CTBP1: variants seen among roughly 807,000 people sequenced by gnomAD.
The protein encoded by CTBP1 is C-terminal-binding protein 1.
In CTBP1, 11 loss-of-function variants were observed where a neutral mutation model predicts 42.1. The ratio of observed to expected loss-of-function variants is 0.26; its 90% confidence interval spans 0.16 to 0.43. The LOEUF (loss-of-function observed/expected upper bound fraction) is 0.43, where lower values mean the gene tolerates loss of function less well. Ranked by LOEUF, CTBP1 falls within the 20% of genes least tolerant of loss-of-function variation. The pLI, the probability that CTBP1 is intolerant of heterozygous loss-of-function variation, is 1.00. For missense variants in CTBP1, 399 were observed against 624.3 expected (o/e 0.64, Z 3.85); for synonymous variants, 324 against 277.1 (o/e 1.17, Z -1.68).
At chr4:1,244,387 C>T in intron 1 of CTBP1, 1 of 980,136 alleles carries the variant, frequency 1.0e-6, no homozygotes, top group Non-Finnish European at 1.2e-6. Context: ...TCCCAGGGGG[C>T]ACCAAGATGC....
chr4:1,244,565 C>T (rs1418859539), intron 1 of CTBP1: 1 of 985,070 alleles, frequency 1.0e-6, no homozygotes, highest in Non-Finnish European at 1.2e-6. Context: ...TCCACCAGGA[C>T]AGTGTCCCAA....
At chr4:1,221,723 C>T (rs1295579508) in intron 5 of CTBP1, 5 of 377,074 alleles carry the variant, frequency 1.3e-5, no homozygotes, top group South Asian at 3.9e-5. Context: ...GCAGGGTCGT[C>T]GCGGGGCCGC....
chr4:1,245,079 A>G, intron 1 of CTBP1: 4 of 983,922 alleles, frequency 4.1e-6, no homozygotes, highest in Non-Finnish European at 4.8e-6. Context: ...AAGGCCCGTC[A>G]CCCACAGGTT....
At chr4:1,224,445 G>T (rs1174598429) in intron 5 of CTBP1, among the ~76,000 whole-genome samples, 3 of 151,164 alleles carry the variant, frequency 2.0e-5, no homozygotes, top group Non-Finnish European at 2.9e-5. Context: ...ACATCTGTGT[G>T]TTATCTGTGC....
At position 1,238,246 on chromosome 4, in the gene CTBP1, G is replaced by A; in HGVS notation, c.99C>T (p.Ile33=). 1 of 1,612,684 alleles carries A rather than the reference G, an allele frequency of 6.2e-7. No individual in the cohort carries two copies. Among genetic ancestry groups the A allele is most frequent in the Non-Finnish European group, 8.5e-7 (1 of 1,179,668 alleles). The change falls in exon 3 of 10, where the codon ATC becomes ATT. Residue 33 remains isoleucine, a synonymous_variant. Coordinates refer to ENST00000382952, the MANE Select transcript of CTBP1 (RefSeq NM_001012614.2). This position sits in a 1 kb window ranked among gnomAD's most constrained non-coding sequence, Gnocchi z 5.9. ...AGGCCACAGTGGCCACGTCCTTCAG[G>A]ATGGGCATCTCCACTGTGCAGTCCC... The part of the protein sequence containing the change: ...DGRDCTVEMP[I]LKDVATVAFC...
At chr4:1,221,717 G>A (rs1230104969) in intron 5 of CTBP1, 2 of 364,364 alleles carry the variant, frequency 5.5e-6, no homozygotes, top group Non-Finnish European at 1.1e-5. Flanking sequence ...GTCCTCGCAG[G>A]GTCGTCGCGG....
chr4:1,236,517 G>A, intron 3 of CTBP1: 1 of 602,264 alleles, frequency 1.7e-6, no homozygotes. Context: ...GAATCAAGAA[G>A]CCACAGGGCA....
At chr4:1,212,473 A>C in intron 9 of CTBP1, 50 bp from the exon 10 acceptor site, 1 of 1,378,152 alleles carries the variant, frequency 7.3e-7, no homozygotes, top group Non-Finnish European at 9.4e-7. Flanking sequence ...CGGCCTGGCC[A>C]GGCCCCACCT....
At chr4:1,219,893 C>G (rs1162613333) in intron 5 of CTBP1, among the ~76,000 whole-genome samples, 1 of 152,218 alleles carries the variant, frequency 6.6e-6, no homozygotes, top group African/African-American at 2.4e-5. Flanking sequence ...TGTATTTCTA[C>G]CTACTAATAA....
At chr4:1,219,365 A>G (rs991757428) in intron 5 of CTBP1, among the ~76,000 whole-genome samples, 3 of 152,146 alleles carry the variant, frequency 2.0e-5, no homozygotes, top group Admixed American at 1.3e-4. Flanking sequence ...ATGAATGAAT[A>G]TAAGAACAGA....
In CTBP1 at chr4:1,249,015, C is replaced by T. The variant is rs1438468067; in HGVS notation, c.-288G>A. The T allele has an allele frequency of 1.5e-5, 13 of 870,674 alleles. No individual in the cohort carries two copies. Among genetic ancestry groups the T allele is most frequent in the African/African-American group, 3.7e-5 (2 of 54,284 alleles). The allele number at this position is 870,674 out of a possible 1,614,324, so 53.9% of individuals were successfully genotyped here. On this transcript the variant is annotated 5_prime_UTR_variant, in exon 1 of 10. Transcript: ENST00000382952. ...CCGGCGCGCTGCGCCGCCGCGAGCCCGGCGCGTGGGGCGGCCTCGGCGCCG... is the reference window on the plus strand; with the variant it reads ...CCGGCGCGCTGCGCCGCCGCGAGCCTGGCGCGTGGGGCGGCCTCGGCGCCG...
chr4:1,221,944 G>C, intron 5 of CTBP1: 1 of 339,388 alleles, frequency 2.9e-6, no homozygotes, highest in South Asian at 2.2e-5. Flanking sequence ...TCGTAGAGCA[G>C]AGGAAGCGGC....
chr4:1,241,882 G>T, intron 1 of CTBP1: 1 of 1,073,722 alleles, frequency 9.3e-7, no homozygotes, highest in African/African-American at 1.7e-5. Flanking sequence ...TGTGCTGTGG[G>T]CAGGGAAACT....
chr4:1,248,691 T>A (rs1436137404), intron 1 of CTBP1: 1 of 981,092 alleles, frequency 1.0e-6, no homozygotes, highest in Non-Finnish European at 1.2e-6. Flanking sequence ...GAGAGCAGAC[T>A]GCGGCGCTCG....
chr4:1,240,335 CGG>C, intron 2 of CTBP1, among the ~76,000 whole-genome samples: 1 of 123,080 alleles, frequency 8.1e-6, no homozygotes. Context: ...GGTCCCTCGT[CGG>C]AACCGCGTGG....
At chr4:1,248,409 C>G (rs1318760359) in intron 1 of CTBP1, among the ~76,000 whole-genome samples, 1 of 150,908 alleles carries the variant, frequency 6.6e-6, no homozygotes, top group Non-Finnish European at 1.5e-5. Flanking sequence ...CGGCCACGGT[C>G]GCCGGCGGCC....
At chr4:1,250,279 A>G, upstream of CTBP1, 1 of 222,694 alleles carries the variant, frequency 4.5e-6, no homozygotes, top group Non-Finnish European at 9.3e-6. Context: ...GCCCTCAGCC[A>G]GACCTGCCCT....
In CTBP1 at chr4:1,225,351, C is replaced by T; in HGVS notation, c.514+9G>A. ...GAGGGACACAGGCGTGGAGCTGCGGCCGACGCACCAAGTCCGATGATGCCC... is the reference window on the plus strand; with the variant it reads ...GAGGGACACAGGCGTGGAGCTGCGGTCGACGCACCAAGTCCGATGATGCCC... On this transcript the variant is annotated intron_variant, in intron 5 of 9. Coordinates refer to ENST00000382952, the MANE Select transcript of CTBP1 (RefSeq NM_001012614.2). 1.3e-6 allele frequency: 2 copies of T among 1,543,132 alleles called. No individual in the cohort carries two copies. Among genetic ancestry groups the T allele is most frequent in the Non-Finnish European group, 1.7e-6 (2 of 1,149,262 alleles).
intron 3 of CTBP1, among the ~76,000 whole-genome samples, chr4:1,231,883 C>T (rs951814516): frequency 9.9e-5 from 15 of 152,164 alleles, no homozygotes; most frequent in African/African-American, 2.4e-4. Flanking sequence ...CAGGGCTCAG[C>T]GCAGGCCAGG....
Sources: allele counts gnomAD v4.1 joint callset (sites outside exome capture counted in the v4.1 genomes callset), GRCh38; gene constraint gnomAD v4.1.1; non-coding constraint Gnocchi (gnomAD v3.1); transcripts MANE v1.5; gene names NCBI Gene and HGNC (gene_info 2026-07-23, HGNC 2026-07-21).